JAKMIP1: variants seen among roughly 807,000 people sequenced by gnomAD.
JAKMIP1 encodes the protein janus kinase and microtubule-interacting protein 1.
In JAKMIP1, 33 loss-of-function variants were observed where a neutral mutation model predicts 113.0. The observed-to-expected ratio is 0.29, with a 90% CI of 0.22 to 0.39. JAKMIP1 has a LOEUF of 0.39. Ranked by LOEUF, JAKMIP1 falls within the 10% of genes least tolerant of loss-of-function variation. The pLI is 1.00. For synonymous variants in JAKMIP1, 480 were observed against 459.9 expected (o/e 1.04, Z -0.56); for missense variants, 813 against 1,080.5 (o/e 0.75, Z 3.47).
Position 6,197,021 on chromosome 4 carries a change from G to C in JAKMIP1, c.-148+3232C>G, listed in dbSNP as rs1250747387. On this transcript the variant is annotated intron_variant, in intron 1 of 20. Transcript: ENST00000409021. This position sits in a 1 kb window ranked among gnomAD's most constrained non-coding sequence, Gnocchi z 6.5. The stretch of plus-strand genomic sequence containing the variant: ...CCACTTCTGAGTCCCCCAGTGTCCT[G>C]AGACTTGGCTCCCTCTGCGGTGTTC... Among the ~76,000 whole-genome samples, 3 of 152,222 alleles carry C rather than the reference G, an allele frequency of 2.0e-5. No homozygotes were observed. The South Asian group carries it at 6.2e-4, about 32-fold the overall frequency.
intron 19 of JAKMIP1, among the ~76,000 whole-genome samples, chr4:6,032,833 C>A (rs552417807): frequency 5.3e-5 from 8 of 152,298 alleles, no homozygotes; most frequent in African/African-American, 1.7e-4. Context: ...ACTCTGGGCA[C>A]CAGGGAGCCA....
At chr4:6,189,165 T>C (rs1461501613) in intron 1 of JAKMIP1, among the ~76,000 whole-genome samples, 4 of 152,212 alleles carry the variant, frequency 2.6e-5, no homozygotes, top group African/African-American at 4.8e-5. Context: ...ATAAGAAATG[T>C]GACCTTCCGG....
rs1726045675 is a variant in JAKMIP1, at chr4:6,181,725, A to G, written c.-148+18528T>C. On this transcript the variant is annotated intron_variant, in intron 1 of 20. Transcript: ENST00000409021. The surrounding 1 kb of genome is among the most constrained non-coding windows in gnomAD (Gnocchi z 5.4). ...GCTCCATTCATTCATTCATTCATTC[A>G]ACAGCATCCTAGTGCCTGTTCCATG... 6.6e-6 allele frequency among the ~76,000 whole-genome samples: 1 copy of G among 152,184 alleles called. No homozygotes were observed. The highest frequency in any genetic ancestry group is 2.4e-5 in the African/African-American group (1 of 41,452).
intron 8 of JAKMIP1, among the ~76,000 whole-genome samples, chr4:6,070,560 C>T (rs561964600): frequency 2.0e-5 from 3 of 152,344 alleles, no homozygotes; most frequent in African/African-American, 7.2e-5. Flanking sequence ...CTCCCTGAGC[C>T]GAGAGCCTGT....
chr4:6,164,713 G>T (rs989927277), intron 1 of JAKMIP1, among the ~76,000 whole-genome samples: 1 of 152,214 alleles, frequency 6.6e-6, no homozygotes, highest in African/African-American at 2.4e-5. Context: ...TTTGGAAGAA[G>T]TTGATTCTAA....
In JAKMIP1 at chr4:6,064,514, A is replaced by T. The variant is rs1276801698; in HGVS notation, c.1431+366T>A. Among the ~76,000 whole-genome samples the T allele has an allele frequency of 6.6e-6, 1 of 152,230 alleles. No individual in the cohort carries two copies. The highest frequency in any genetic ancestry group is 1.5e-5 in the Non-Finnish European group (1 of 68,044). On this transcript the variant is annotated intron_variant, in intron 9 of 20. Transcript: ENST00000409021. This position sits in a 1 kb window ranked among gnomAD's most constrained non-coding sequence, Gnocchi z 4.3. The stretch of plus-strand genomic sequence containing the variant: ...CGGTGGTGTGTCCGTGTGTGCACAC[A>T]TGCGTGGGGACCAGGGAGAGACCAT...
In JAKMIP1 at chr4:6,140,557, G is replaced by A. The variant is rs1045101371; in HGVS notation, c.-147-27560C>T. On this transcript the variant is annotated intron_variant, in intron 1 of 20. Transcript: ENST00000409021. The surrounding 1 kb of genome is among the most constrained non-coding windows in gnomAD (Gnocchi z 9.4). ...TTTCTGCAGGGTCAGAGGGAAGTCGGCCCGCTAGGTGACAGTGGTTCACAG... is the reference window on the plus strand; with the variant it reads ...TTTCTGCAGGGTCAGAGGGAAGTCGACCCGCTAGGTGACAGTGGTTCACAG... Among the ~76,000 whole-genome samples, 6 of 152,110 alleles carry A rather than the reference G, an allele frequency of 3.9e-5. No individual in the cohort carries two copies. Among genetic ancestry groups the A allele is most frequent in the Non-Finnish European group, 7.3e-5 (5 of 68,038 alleles).
chr4:6,070,880 C>T (rs1718865199), intron 8 of JAKMIP1, among the ~76,000 whole-genome samples: 1 of 152,138 alleles, frequency 6.6e-6, no homozygotes, highest in South Asian at 2.1e-4. Flanking sequence ...GATTCACCTG[C>T]CCAGAAGGGA....
chr4:6,096,329 GTTCCCA>G (rs1711762618), intron 3 of JAKMIP1, among the ~76,000 whole-genome samples: 1 of 152,206 alleles, frequency 6.6e-6, no homozygotes, highest in Admixed American at 6.5e-5. Context: ...TGAACTGTGT[GTTCCCA>G]TGCCTTGACT....
intron 5 of JAKMIP1, among the ~76,000 whole-genome samples, chr4:6,084,387 T>C (rs551569211): frequency 4.9e-4 from 75 of 151,940 alleles, no homozygotes; most frequent in African/African-American, 1.8e-3. Flanking sequence ...TTCTGTAAAA[T>C]GCATTTTTCA....
intron 11 of JAKMIP1, among the ~76,000 whole-genome samples, chr4:6,058,302 T>G (rs1716771443): frequency 1.3e-5 from 2 of 152,222 alleles, no homozygotes; most frequent in African/African-American, 4.8e-5. Context: ...TTTTAAAAAC[T>G]AACTTCCTTC....
chr4:6,081,829 C>CAGAG lies in JAKMIP1; in HGVS notation c.955-78_955-75dup. 1 of 1,575,360 alleles carries CAGAG rather than the reference C, an allele frequency of 6.3e-7. No homozygotes were observed. Among genetic ancestry groups the CAGAG allele is most frequent in the Non-Finnish European group, 8.7e-7 (1 of 1,152,572 alleles). ...GCCGAGGTCACAGCACCGAGGTGAG[C>CAGAG]AGAGACTCAACCCAGTTAGGACCCC... On this transcript the variant is annotated intron_variant, in intron 5 of 20. Coordinates refer to ENST00000409021, the MANE Select transcript of JAKMIP1 (RefSeq NM_001099433.2). The surrounding 1 kb of genome is among the most constrained non-coding windows in gnomAD (Gnocchi z 4.6).
chr4:6,031,382 A>C lies in JAKMIP1; in HGVS notation c.2380-1601T>G, dbSNP rs931826286. ...CGGTGAGCTGAGATCGCGCCATTGC[A>C]CTCCAGCCTGGGTGACACAGAGAGA... On this transcript the variant is annotated intron_variant, in intron 19 of 20. Coordinates refer to ENST00000409021, the MANE Select transcript of JAKMIP1 (RefSeq NM_001099433.2). The surrounding 1 kb of genome is among the most constrained non-coding windows in gnomAD (Gnocchi z 4.4). 2.0e-5 allele frequency among the ~76,000 whole-genome samples: 3 copies of C among 152,034 alleles called. No individual in the cohort carries two copies. The highest frequency in any genetic ancestry group is 7.2e-5 in the African/African-American group (3 of 41,386).
chr4:6,134,006 C>T (rs1348432644), intron 1 of JAKMIP1, among the ~76,000 whole-genome samples: 1 of 152,196 alleles, frequency 6.6e-6, no homozygotes, highest in Non-Finnish European at 1.5e-5. Flanking sequence ...TATGGTTAGG[C>T]TTTGTGTGCC....
rs556922872 is a variant in JAKMIP1 at position 6,175,811 on chromosome 4, A to T, written c.-148+24442T>A. On this transcript the variant is annotated intron_variant, in intron 1 of 20. Coordinates refer to ENST00000409021, the MANE Select transcript of JAKMIP1 (RefSeq NM_001099433.2). Reference sequence around the variant, plus strand: ...CCAATTAAAGTAGCAGATGCCTTGGAACTCTCTTTAAAGAGATTAAATGGC... The same window carrying T: ...CCAATTAAAGTAGCAGATGCCTTGGTACTCTCTTTAAAGAGATTAAATGGC... 2.0e-4 allele frequency among the ~76,000 whole-genome samples: 31 copies of T among 152,340 alleles called. No individual in the cohort carries two copies. In the South Asian group the frequency reaches 6.0e-3, roughly 30 times the overall value.
intron 3 of JAKMIP1, among the ~76,000 whole-genome samples, chr4:6,095,618 C>T (rs533937523): frequency 6.6e-6 from 1 of 152,198 alleles, no homozygotes; most frequent in African/African-American, 2.4e-5. Context: ...AAACTCGAGG[C>T]AGCAAACGCG....
At chr4:6,148,797 T>G (rs1038489558) in intron 1 of JAKMIP1, among the ~76,000 whole-genome samples, 5 of 152,262 alleles carry the variant, frequency 3.3e-5, no homozygotes, top group African/African-American at 9.6e-5. Flanking sequence ...TCTGCCAGCA[T>G]GACCACAGCA....
intron 2 of JAKMIP1, among the ~76,000 whole-genome samples, chr4:6,109,680 G>A (rs1013184917): frequency 6.6e-6 from 1 of 151,904 alleles, no homozygotes; most frequent in Admixed American, 6.6e-5. Context: ...GCATGCCAGG[G>A]GTTTGCAGAT....
At position 6,097,874 on chromosome 4, in the gene JAKMIP1, T is replaced by A. The variant is rs1363538277; in HGVS notation, c.624+7599A>T. Among the ~76,000 whole-genome samples, 2 of 152,236 alleles carry A rather than the reference T, an allele frequency of 1.3e-5. No individual in the cohort carries two copies. The highest frequency in any genetic ancestry group is 4.8e-5 in the African/African-American group (2 of 41,468). On this transcript the variant is annotated intron_variant, in intron 3 of 20. Transcript: ENST00000409021. This position sits in a 1 kb window ranked among gnomAD's most constrained non-coding sequence, Gnocchi z 4.3. ...AAGACCAGGATGTCAGGTTTTTGTC[T>A]GGCTTTGAATATTTCAGAGGTAGTG... is the stretch of plus-strand genomic sequence containing the variant.
Sources: gnomAD v4.1 joint callset for allele counts (sites outside exome capture counted in the v4.1 genomes callset) on GRCh38, gnomAD v4.1.1 for gene constraint, Gnocchi (gnomAD v3.1) non-coding constraint, MANE v1.5 for transcripts, NCBI Gene and HGNC (gene_info 2026-07-23, HGNC 2026-07-21) for gene names.